ANXA3: variants seen among roughly 807,000 people sequenced by gnomAD.
The protein encoded by ANXA3 is annexin A3.
In ANXA3, 46 loss-of-function variants were observed where a neutral mutation model predicts 48.8. The ratio of observed to expected loss-of-function variants is 0.94; its 90% CI spans 0.74 to 1.21. ANXA3 has a LOEUF of 1.21. ANXA3 is among the 50% of genes most tolerant of loss of function. The probability of loss-of-function intolerance (pLI) is 0.00; values close to 1 mark genes in which losing one functional copy is unlikely to be tolerated. For missense variants in ANXA3, 383 were observed against 378.6 expected (o/e 1.01, Z -0.10); for synonymous variants, 128 against 134.7 (o/e 0.95, Z 0.35).
At chr4:78,552,238 C>G (rs747158610) in intron 1 of ANXA3, 1 of 152,360 alleles carries the variant, frequency 6.6e-6, no homozygotes, top group Non-Finnish European at 1.5e-5. Flanking sequence ...TCCTAAAGGT[C>G]TAGGGGACAG....
intron 2 of ANXA3, among the ~76,000 whole-genome samples, chr4:78,572,260 A>G (rs1253259059): frequency 6.6e-6 from 1 of 152,262 alleles, no homozygotes; most frequent in African/African-American, 2.4e-5. Context: ...AAAGAAAAAG[A>G]GGACTCCTGA....
At chr4:78,603,203 A>G (rs550387056) in intron 11 of ANXA3, 1 of 152,318 alleles carries the variant, frequency 6.6e-6, no homozygotes, top group East Asian at 1.9e-4. Context: ...GCAGACAGAG[A>G]TATAATCTGT....
At chr4:78,597,810 C>T (rs1311210216) in intron 10 of ANXA3, among the ~76,000 whole-genome samples, 4 of 151,980 alleles carry the variant, frequency 2.6e-5, no homozygotes, top group African/African-American at 9.7e-5. Flanking sequence ...GATGGGGTTT[C>T]ACCATGTTGC....
At chr4:78,565,438 G>A (rs745426465) in intron 2 of ANXA3, among the ~76,000 whole-genome samples, 12 of 152,166 alleles carry the variant, frequency 7.9e-5, no homozygotes, top group Non-Finnish European at 1.6e-4. Context: ...GGGGAGGAGC[G>A]CCCATGCGAT....
At chr4:78,578,298 CGAGA>C (rs1220106430) in intron 3 of ANXA3, among the ~76,000 whole-genome samples, 808 of 46,514 alleles carry the variant, frequency 0.017, 13 homozygotes, top group Middle Eastern at 0.071. Flanking sequence ...AGAGAGAGAG[CGAGA>C]GAGAGAGAGA....
intron 7 of ANXA3, among the ~76,000 whole-genome samples, chr4:78,593,501 CTTTGAG>C (rs1156724127): frequency 6.6e-6 from 1 of 150,910 alleles, no homozygotes; most frequent in African/African-American, 2.4e-5. Flanking sequence ...TGCGCCCCGC[CTTTGAG>C]TTTTTTTTTT....
intron 2 of ANXA3, among the ~76,000 whole-genome samples, chr4:78,561,645 C>CGAG (rs1722630185): frequency 1.3e-5 from 2 of 152,106 alleles, no homozygotes; most frequent in African/African-American, 4.8e-5. Flanking sequence ...CTCCTCTGGT[C>CGAG]TCCCTCACAT....
At chr4:78,585,755 C>G (rs1259889577) in intron 5 of ANXA3, among the ~76,000 whole-genome samples, 2 of 152,106 alleles carry the variant, frequency 1.3e-5, no homozygotes, top group African/African-American at 4.8e-5. Flanking sequence ...ATTCAGTGAC[C>G]TTGATATAAA....
intron 7 of ANXA3, 145 bp downstream of exon 7, chr4:78,591,768 C>G (rs1280265952): frequency 1.6e-6 from 1 of 608,658 alleles, no homozygotes; most frequent in Non-Finnish European, 2.9e-6. Flanking sequence ...ATTTTCATTG[C>G]CACCAAGCAA....
At chr4:78,580,172 T>C (rs1394899587) in intron 4 of ANXA3, among the ~76,000 whole-genome samples, 1 of 152,220 alleles carries the variant, frequency 6.6e-6, no homozygotes, top group Non-Finnish European at 1.5e-5. Flanking sequence ...ATGGTTGATA[T>C]GATAGACAGT....
In ANXA3 at chr4:78,579,046, C is replaced by T; in HGVS notation, c.123C>T (p.Leu41=). ...IRGIGTDEKM[L]ISILTERSNA... ...ATTTAGGAACTGATGAGAAAATGCT[C>T]ATCAGCATTCTGACTGAGAGGTCAA... Residue 41 remains leucine, a synonymous_variant, in exon 4 of 13, where the codon CTC becomes CTT. Transcript: ENST00000264908. 1 of 1,610,684 alleles carries T rather than the reference C, an allele frequency of 6.2e-7. No individual in the cohort carries two copies. Among genetic ancestry groups the T allele is most frequent in the Non-Finnish European group, 8.5e-7 (1 of 1,177,192 alleles).
chr4:78,575,224 T>C (rs988435872), intron 3 of ANXA3, among the ~76,000 whole-genome samples: 2 of 152,158 alleles, frequency 1.3e-5, no homozygotes, highest in Admixed American at 1.3e-4. Context: ...TTCTTTATGA[T>C]TGGCAAGAGT....
intron 2 of ANXA3, among the ~76,000 whole-genome samples, chr4:78,562,176 T>A (rs988585581): frequency 1.3e-5 from 2 of 152,058 alleles, no homozygotes; most frequent in African/African-American, 4.8e-5. Flanking sequence ...GTGGAGAAGG[T>A]ATGATTTGTT....
At chr4:78,578,420 TGA>T (rs1179748698) in intron 3 of ANXA3, among the ~76,000 whole-genome samples, 2 of 149,540 alleles carry the variant, frequency 1.3e-5, no homozygotes, top group African/African-American at 5.0e-5. Context: ...AAGAAATGCA[TGA>T]GAGAGATGTG....
chr4:78,563,372 A>T (rs1005584861), intron 2 of ANXA3, among the ~76,000 whole-genome samples: 2 of 152,092 alleles, frequency 1.3e-5, no homozygotes, highest in African/African-American at 4.8e-5. Flanking sequence ...TGTGGTCTAA[A>T]TGTCTGTGTC....
Position 78,569,735 on chromosome 4 carries a change from C to T in ANXA3, c.16-3445C>T, listed in dbSNP as rs530847103. Among the ~76,000 whole-genome samples, 10 of 152,336 alleles carry T rather than the reference C, an allele frequency of 6.6e-5. No homozygotes were observed. In the South Asian group the frequency reaches 2.1e-3, roughly 32 times the overall value. On this transcript the variant is annotated intron_variant, in intron 2 of 12. Coordinates refer to ENST00000264908, the MANE Select transcript of ANXA3 (RefSeq NM_005139.3). Reference sequence around the variant, plus strand: ...CCGGGTGATGCTGATGCAGCTGCTTCAGGAACCACACTTTGAGAACCACTA... The same window carrying T: ...CCGGGTGATGCTGATGCAGCTGCTTTAGGAACCACACTTTGAGAACCACTA...
chr4:78,588,885 T>C (rs909234346), intron 6 of ANXA3, among the ~76,000 whole-genome samples: 5 of 152,226 alleles, frequency 3.3e-5, no homozygotes, highest in Admixed American at 1.3e-4. Context: ...CAAAAGAGTA[T>C]GTTTTAGGTG....
chr4:78,593,352 G>A (rs910090519), intron 7 of ANXA3, among the ~76,000 whole-genome samples: 6 of 151,748 alleles, frequency 4.0e-5, no homozygotes, highest in East Asian at 1.9e-4. Flanking sequence ...ACAGGCACAC[G>A]CCACCACACC....
intron 11 of ANXA3, chr4:78,601,773 G>A: frequency 2.3e-6 from 1 of 427,938 alleles, no homozygotes; most frequent in Non-Finnish European, 4.1e-6. Flanking sequence ...AACAGACCTG[G>A]GTTTATGAAA....
Sources: gnomAD v4.1 joint callset for allele counts (sites outside exome capture counted in the v4.1 genomes callset) on GRCh38, gnomAD v4.1.1 for gene constraint, MANE v1.5 for transcripts, NCBI Gene and HGNC (gene_info 2026-07-23, HGNC 2026-07-21) for gene names.